Variants in ABCG2 observed in about 807,000 individuals in gnomAD.
The protein encoded by ABCG2 is broad substrate specificity ATP-binding cassette transporter ABCG2.
Under a neutral mutation model 73.5 loss-of-function variants are expected in ABCG2, and 80 were observed. The ratio of observed to expected loss-of-function variants is 1.09; its 90% CI spans 0.91 to 1.31. The LOEUF is 1.31. Among genes scored for constraint, ABCG2 ranks in the 50% most tolerant of loss-of-function variants. ABCG2 has a pLI of 0.00. For synonymous variants in ABCG2, 269 were observed against 282.4 expected (o/e 0.95, Z 0.48); for missense variants, 796 against 786.2 (o/e 1.01, Z -0.15).
intron 5 of ABCG2, among the ~76,000 whole-genome samples, chr4:88,129,866 T>C (rs892550811): frequency 6.6e-6 from 1 of 152,192 alleles, no homozygotes; most frequent in Non-Finnish European, 1.5e-5. Flanking sequence ...GTCATTTTTT[T>C]CTTCACGATC....
intron 1 of ABCG2, among the ~76,000 whole-genome samples, chr4:88,229,075 G>A (rs1037388541): frequency 1.3e-5 from 2 of 152,198 alleles, no homozygotes; most frequent in African/African-American, 4.8e-5. Flanking sequence ...CTTCCACACT[G>A]TGAAAGCTTT....
intron 1 of ABCG2, among the ~76,000 whole-genome samples, chr4:88,216,761 G>A (rs927030256): frequency 6.6e-6 from 1 of 152,150 alleles, no homozygotes; most frequent in African/African-American, 2.4e-5. Flanking sequence ...CAAGCGCAGT[G>A]GTTCACACCT....
At chr4:88,127,194 T>C (rs1459805607) in intron 5 of ABCG2, among the ~76,000 whole-genome samples, 1 of 151,870 alleles carries the variant, frequency 6.6e-6, no homozygotes, top group Non-Finnish European at 1.5e-5. Context: ...GAGAATAAAA[T>C]ACCTAGGAAT....
chr4:88,208,166 T>C (rs1455428092), intron 1 of ABCG2, among the ~76,000 whole-genome samples: 1 of 152,190 alleles, frequency 6.6e-6, no homozygotes, highest in Non-Finnish European at 1.5e-5. Flanking sequence ...TTCTTTAGAG[T>C]GTCATTGGGA....
At chr4:88,141,897 G>T (rs1725675242) in intron 1 of ABCG2, among the ~76,000 whole-genome samples, 1 of 152,004 alleles carries the variant, frequency 6.6e-6, no homozygotes, top group Admixed American at 6.6e-5. Context: ...AAAATTAAAA[G>T]ACAGACTCTC....
In ABCG2 at chr4:88,099,323, C is replaced by T. The variant is rs753491419; in HGVS notation, c.1492+1G>A. 5 of 1,588,560 alleles carry T rather than the reference C, an allele frequency of 3.1e-6. No homozygotes were observed. In the African/African-American group the frequency reaches 4.1e-5, roughly 13 times the overall value. On this transcript the variant is annotated splice_donor_variant, in intron 12 of 15. Transcript: ENST00000237612. LOFTEE classifies it high-confidence loss of function. ...CCTTTTTTGTTTTGTTACATACTTA[C>T]CTAACATGAAGTACACTATACAGGT... is the stretch of plus-strand genomic sequence containing the variant.
At chr4:88,175,918 G>A (rs1404677599) in intron 1 of ABCG2, among the ~76,000 whole-genome samples, 4 of 152,116 alleles carry the variant, frequency 2.6e-5, no homozygotes, top group African/African-American at 9.7e-5. Flanking sequence ...CACGGCATTA[G>A]GTTATGAATG....
intron 1 of ABCG2, among the ~76,000 whole-genome samples, chr4:88,150,872 C>T (rs1560717260): frequency 6.6e-6 from 1 of 152,160 alleles, no homozygotes; most frequent in East Asian, 1.9e-4. Flanking sequence ...CTGTCCTGCA[C>T]CCCTCCCTCC....
At chr4:88,172,188 G>A (rs1305172934) in intron 1 of ABCG2, among the ~76,000 whole-genome samples, 2 of 151,242 alleles carry the variant, frequency 1.3e-5, no homozygotes, top group African/African-American at 2.4e-5. Context: ...CCAGCTACTC[G>A]GGAGGCTGAG....
At chr4:88,222,379 CAT>C (rs1184998223) in intron 1 of ABCG2, among the ~76,000 whole-genome samples, 1 of 152,186 alleles carries the variant, frequency 6.6e-6, no homozygotes, top group Non-Finnish European at 1.5e-5. Flanking sequence ...TGAATTCCCA[CAT>C]GTTGTGGGAG....
intron 1 of ABCG2, among the ~76,000 whole-genome samples, chr4:88,208,460 G>A (rs780654398): frequency 1.3e-5 from 2 of 152,180 alleles, no homozygotes; most frequent in African/African-American, 2.4e-5. Flanking sequence ...CTCTACTAGA[G>A]ACTTAGGGCC....
At chr4:88,213,410 G>A (rs887352696) in intron 1 of ABCG2, among the ~76,000 whole-genome samples, 4 of 152,018 alleles carry the variant, frequency 2.6e-5, no homozygotes, top group African/African-American at 9.7e-5. Flanking sequence ...AAGTAAAAGA[G>A]AACTTCAGAT....
rs919150573 is a variant in ABCG2, at chr4:88,151,664, G to A, written c.-20+6722C>T. Among the ~76,000 whole-genome samples the A allele has an allele frequency of 4.1e-4, 63 of 151,910 alleles. 1 individual carries two copies. Among genetic ancestry groups the A allele is most frequent in the East Asian group, 1.9e-4 (1 of 5,140 alleles). On this transcript the variant is annotated intron_variant, in intron 1 of 15. Transcript: ENST00000237612. ...TGAGGCAGGAGAATGGCGTGAACCCGGGAGGTGGAGCTTGCAGTGAGCCGA... is the reference window on the plus strand; with the variant it reads ...TGAGGCAGGAGAATGGCGTGAACCCAGGAGGTGGAGCTTGCAGTGAGCCGA...
At chr4:88,096,010 G>C (rs1005367227) in intron 13 of ABCG2, among the ~76,000 whole-genome samples, 2 of 152,164 alleles carry the variant, frequency 1.3e-5, no homozygotes, top group Non-Finnish European at 2.9e-5. Flanking sequence ...ATCTATACCA[G>C]ATAAATCCTG....
At chr4:88,173,722 G>A (rs1337517999) in intron 1 of ABCG2, among the ~76,000 whole-genome samples, 4 of 152,104 alleles carry the variant, frequency 2.6e-5, no homozygotes, top group Non-Finnish European at 5.9e-5. Flanking sequence ...TTTTTGGCCA[G>A]GCATGGTGGC....
intron 1 of ABCG2, among the ~76,000 whole-genome samples, chr4:88,214,416 A>G (rs1233268178): frequency 6.6e-6 from 1 of 152,090 alleles, no homozygotes; most frequent in African/African-American, 2.4e-5. Flanking sequence ...TTCTCTCTCA[A>G]ATCCACTCCA....
At chr4:88,142,639 T>A (rs1211487472) in intron 1 of ABCG2, among the ~76,000 whole-genome samples, 2 of 152,068 alleles carry the variant, frequency 1.3e-5, no homozygotes, top group Non-Finnish European at 2.9e-5. Context: ...ATTCAACCAG[T>A]CGCAAATCGA....
rs184097945 is a variant in ABCG2 at position 88,145,185 on chromosome 4, G to A, written c.-19-5171C>T. Reference sequence around the variant, plus strand: ...TGCATAAATTACATACCTCTTTAAAGTGTTTACTGAGGTTAATCTCAAAAG... The same window carrying A: ...TGCATAAATTACATACCTCTTTAAAATGTTTACTGAGGTTAATCTCAAAAG... On this transcript the variant is annotated intron_variant, in intron 1 of 15. Coordinates refer to ENST00000237612, the MANE Select transcript of ABCG2 (RefSeq NM_004827.3). Among the ~76,000 whole-genome samples the A allele has an allele frequency of 3.3e-4, 50 of 152,180 alleles. 1 individual carries two copies. The highest frequency in any genetic ancestry group is 3.4e-3 in the Middle Eastern group (1 of 294).
rs754425421 is a variant in ABCG2, at chr4:88,101,203, C to G, written c.1367+27G>C. ...CAATAGCCCCTGCTGCTGGACAGCCCCGTTCCCAGAACAAAGACCTACTCA... is the reference window on the plus strand; with the variant it reads ...CAATAGCCCCTGCTGCTGGACAGCCGCGTTCCCAGAACAAAGACCTACTCA... On this transcript the variant is annotated intron_variant, in intron 11 of 15. Transcript: ENST00000237612. The G allele has an allele frequency of 1.9e-6, 3 of 1,606,922 alleles. No homozygotes were observed. The East Asian group carries it at 6.7e-5, about 36-fold the overall frequency.
Sources: allele counts gnomAD v4.1 joint callset (sites outside exome capture counted in the v4.1 genomes callset), GRCh38; gene constraint gnomAD v4.1.1; transcripts MANE v1.5; gene names NCBI Gene and HGNC (gene_info 2026-07-23, HGNC 2026-07-21).